Variants in MAP3K5 observed in about 807,000 individuals in gnomAD.
The protein encoded by MAP3K5 is ASK-1.
Under a neutral mutation model 158.7 loss-of-function variants are expected in MAP3K5, and 56 were observed. The ratio of observed to expected loss-of-function variants is 0.35; its 90% CI spans 0.28 to 0.44. The LOEUF (loss-of-function observed/expected upper bound fraction) is 0.44. Among genes scored for constraint, MAP3K5 ranks in the 20% least tolerant of loss-of-function variants. The pLI is 1.00. For synonymous variants in MAP3K5, 579 were observed against 601.7 expected (o/e 0.96, Z 0.55); for missense variants, 1,294 against 1,674.8 (o/e 0.77, Z 3.97).
chr6:136,694,416 G>A, intron 6 of MAP3K5, 106 bp from the exon 7 acceptor site: 2 of 926,612 alleles, frequency 2.2e-6, no homozygotes, highest in Non-Finnish European at 3.1e-6. Flanking sequence ...AGAGAAATTT[G>A]CCAGGACAGA....
At chr6:136,756,406 T>C (rs144478343) in intron 1 of MAP3K5, among the ~76,000 whole-genome samples, 1,820 of 152,278 alleles carry the variant, frequency 0.012, 34 homozygotes, top group African/African-American at 0.042. Context: ...TCTCTGAATA[T>C]GTCTTTCCAA....
chr6:136,792,521 G>T, upstream of MAP3K5: 1 of 322,280 alleles, frequency 3.1e-6, no homozygotes, highest in Non-Finnish European at 4.4e-6. This position sits in a 1 kb window ranked among gnomAD's most constrained non-coding sequence, Gnocchi z 5.7. Flanking sequence ...CGCGCTCGGG[G>T]TGCAGCCCGC....
At chr6:136,628,856 T>C (rs1777171797) in intron 14 of MAP3K5, among the ~76,000 whole-genome samples, 1 of 152,096 alleles carries the variant, frequency 6.6e-6, no homozygotes, top group African/African-American at 2.4e-5. Flanking sequence ...GAAATTGAAA[T>C]GGCAGTTTTG....
At chr6:136,648,843 G>A (rs910971534) in intron 11 of MAP3K5, among the ~76,000 whole-genome samples, 2 of 152,212 alleles carry the variant, frequency 1.3e-5, no homozygotes, top group Non-Finnish European at 2.9e-5. Context: ...CTAGATTATG[G>A]ACATGCTGTG....
intron 14 of MAP3K5, among the ~76,000 whole-genome samples, chr6:136,624,898 C>G (rs1367188766): frequency 6.6e-6 from 1 of 152,176 alleles, no homozygotes; most frequent in Non-Finnish European, 1.5e-5. Context: ...AAGAGAGGCT[C>G]TGGATTTGGC....
rs1205446539 is a variant in MAP3K5 at position 136,567,656 on chromosome 6, C to T, written c.3736G>A (p.Gly1246Arg). 1.9e-6 allele frequency: 3 copies of T among 1,614,150 alleles called. No individual in the cohort carries two copies. The highest frequency in any genetic ancestry group is 1.7e-6 in the Non-Finnish European group (2 of 1,179,994). Residue 1246 changes from glycine (G) to arginine (R), a missense_variant, in exon 26 of 30, where the codon GGA becomes AGA. Transcript: ENST00000359015. ...SAHRSLNVQL[G>R]RMKIETNRLL... The stretch of plus-strand genomic sequence containing the variant: ...CTATTGGTTTCTATTTTCATCCTTC[C>T]AAGCTGTACATTCAGTGACCGGTGA...
intron 7 of MAP3K5, among the ~76,000 whole-genome samples, chr6:136,680,005 T>C (rs907643139): frequency 1.2e-4 from 18 of 151,964 alleles, no homozygotes; most frequent in Non-Finnish European, 2.4e-4. Context: ...TATGCTACAA[T>C]GCAGAGGAAG....
chr6:136,592,313 T>C lies in MAP3K5; in HGVS notation c.3085A>G (p.Ser1029Gly). The C allele has an allele frequency of 6.3e-7, 1 of 1,597,960 alleles. No individual in the cohort carries two copies. The highest frequency in any genetic ancestry group is 8.5e-7 in the Non-Finnish European group (1 of 1,173,080). Residue 1029 changes from serine to glycine, a missense_variant, in exon 23 of 30, where the codon AGT becomes GGT. Physicochemically the swap from Ser to Gly is moderately conservative, Grantham distance 56. Transcript: ENST00000359015. ...GIPDENFEDH[S>G]APPSPEEKDS... ...TTTTCTTCAGGGGAAGGAGGAGCAC[T>C]GTGATCTTCAAAATTCTCATCTGGA... is the stretch of plus-strand genomic sequence containing the variant.
At chr6:136,781,300 C>G (rs1312533168) in intron 1 of MAP3K5, among the ~76,000 whole-genome samples, 2 of 152,084 alleles carry the variant, frequency 1.3e-5, no homozygotes, top group African/African-American at 4.8e-5. Context: ...GAGTTGGCTC[C>G]CTTGTTGACA....
chr6:136,638,336 T>C (rs1398751675), intron 13 of MAP3K5, among the ~76,000 whole-genome samples: 6 of 152,158 alleles, frequency 3.9e-5, no homozygotes, highest in Non-Finnish European at 7.4e-5. Flanking sequence ...CACTCGACAG[T>C]GGGATGGGAG....
chr6:136,565,236 TTTG>T (rs1413625281), intron 26 of MAP3K5, among the ~76,000 whole-genome samples: 98 of 152,290 alleles, frequency 6.4e-4, no homozygotes, highest in African/African-American at 2.2e-3. Flanking sequence ...TTATTTTTAT[TTTG>T]TGTTTATTTA....
intron 1 of MAP3K5, among the ~76,000 whole-genome samples, chr6:136,748,648 C>G (rs1374791415): frequency 6.6e-6 from 1 of 152,122 alleles, no homozygotes; most frequent in African/African-American, 2.4e-5. Context: ...AATTAAATTA[C>G]AGAATTTAAC....
chr6:136,695,283 G>C (rs1173646704), intron 6 of MAP3K5, among the ~76,000 whole-genome samples: 1 of 151,982 alleles, frequency 6.6e-6, no homozygotes, highest in Admixed American at 6.6e-5. Context: ...AACTACAGGT[G>C]CACACTGCCA....
chr6:136,559,626 G>A (rs1830416000), intron 28 of MAP3K5, among the ~76,000 whole-genome samples: 1 of 152,192 alleles, frequency 6.6e-6, no homozygotes, highest in Non-Finnish European at 1.5e-5. Flanking sequence ...TCATGGTTAA[G>A]CAAAGGCACT....
At chr6:136,604,257 G>A (rs1776002660) in intron 19 of MAP3K5, among the ~76,000 whole-genome samples, 1 of 151,882 alleles carries the variant, frequency 6.6e-6, no homozygotes, top group Admixed American at 6.6e-5. Context: ...AGGAGACGGA[G>A]GTTGCAGTGA....
intron 14 of MAP3K5, among the ~76,000 whole-genome samples, chr6:136,633,137 G>A (rs1172314258): frequency 1.3e-5 from 2 of 152,054 alleles, no homozygotes; most frequent in African/African-American, 4.8e-5. Context: ...AGTGGCTCAC[G>A]CCTATAATCC....
At chr6:136,764,868 C>T (rs775469787) in intron 1 of MAP3K5, among the ~76,000 whole-genome samples, 11 of 152,082 alleles carry the variant, frequency 7.2e-5, no homozygotes, top group Non-Finnish European at 1.0e-4. Flanking sequence ...ACTTCCTGGC[C>T]CTAATTGATG....
At chr6:136,656,614 GTTTTCACAC>G (rs1053518137) in intron 9 of MAP3K5, among the ~76,000 whole-genome samples, 154 bp from the exon 10 acceptor site, 34 of 151,090 alleles carry the variant, frequency 2.3e-4, no homozygotes, top group African/African-American at 7.5e-4. Context: ...CATATCGTGT[GTTTTCACAC>G]TTTTTTTTTT....
chr6:136,772,100 G>C (rs1352011481), intron 1 of MAP3K5, among the ~76,000 whole-genome samples: 4 of 121,782 alleles, frequency 3.3e-5, no homozygotes, highest in African/African-American at 1.1e-4. Flanking sequence ...AGTAGAAATG[G>C]GGGGGGGGGG....
Sources: gnomAD v4.1 joint callset for allele counts (sites outside exome capture counted in the v4.1 genomes callset) on GRCh38, gnomAD v4.1.1 for gene constraint, Gnocchi (gnomAD v3.1) non-coding constraint, MANE v1.5 for transcripts, NCBI Gene and HGNC (gene_info 2026-07-23, HGNC 2026-07-21) for gene names.